RBFOX1: variants seen among roughly 807,000 people sequenced by gnomAD.
RBFOX1 encodes RNA binding fox-1 homolog 1, also known as RNA binding protein fox-1 homolog 1.
RBFOX1 carries 8 observed loss-of-function variants against 57.7 expected under a neutral mutation model. The ratio of observed to expected loss-of-function variants is 0.14; its 90% confidence interval spans 0.08 to 0.25. The LOEUF (loss-of-function observed/expected upper bound fraction) is 0.25. Among genes scored for constraint, RBFOX1 ranks in the 10% least tolerant of loss-of-function variants. The pLI is 1.00. For missense variants in RBFOX1, 611 were observed against 548.5 expected (o/e 1.11, Z -1.14); for synonymous variants, 326 against 222.4 (o/e 1.47, Z -4.15).
intron 3 of RBFOX1, among the ~76,000 whole-genome samples, chr16:6,715,208 A>G (rs533991264): frequency 6.6e-6 from 1 of 152,294 alleles, no homozygotes; most frequent in Admixed American, 6.5e-5. Context: ...AAACCTTATC[A>G]GTCACACACA....
chr16:6,607,728 T>C (rs183681604), intron 2 of RBFOX1, among the ~76,000 whole-genome samples: 26 of 152,266 alleles, frequency 1.7e-4, no homozygotes, highest in Non-Finnish European at 3.1e-4. Flanking sequence ...ATTTTAGAAT[T>C]TTGTGGTTTC....
intron 4 of RBFOX1, among the ~76,000 whole-genome samples, chr16:7,411,316 C>G (rs1412268520): frequency 1.3e-5 from 2 of 152,104 alleles, no homozygotes; most frequent in Non-Finnish European, 2.9e-5. Context: ...GCCATCAGGT[C>G]TCATCCTCCT....
intron 1 of RBFOX1, among the ~76,000 whole-genome samples, chr16:6,274,999 G>A (rs1004707481): frequency 6.6e-6 from 1 of 152,144 alleles, no homozygotes; most frequent in Non-Finnish European, 1.5e-5. Flanking sequence ...GAGATATGTC[G>A]CTCTTGTCCG....
intron 3 of RBFOX1, among the ~76,000 whole-genome samples, chr16:7,025,416 C>T (rs779611855): frequency 4.6e-5 from 7 of 152,144 alleles, no homozygotes; most frequent in East Asian, 1.9e-4. Context: ...GTATTTTGTG[C>T]TGACCTCCTA....
chr16:7,144,417 C>CTTCTTCTTTTT (rs3046798), intron 4 of RBFOX1, among the ~76,000 whole-genome samples: 47 of 66,918 alleles, frequency 7.0e-4, no homozygotes, highest in African/African-American at 2.7e-3. Flanking sequence ...TTTCTTTCTT[C>CTTCTTCTTTTT]TTTTTTTTTT....
rs187116505 is a variant in RBFOX1 at position 5,809,186 on chromosome 16, A to G, written c.319-58117A>G. On this transcript the variant is annotated intron_variant, in intron 3 of 19. Coordinates refer to the RBFOX1 transcript ENST00000641259. ...CAAAAATTAATTCAAGATGGATTCAAGACTTAAACATTAGACCTAAAACCA... is the reference window on the plus strand; with the variant it reads ...CAAAAATTAATTCAAGATGGATTCAGGACTTAAACATTAGACCTAAAACCA... 1.3e-4 allele frequency among the ~76,000 whole-genome samples: 20 copies of G among 152,348 alleles called. No homozygotes were observed. In the East Asian group the frequency reaches 3.9e-3, roughly 29 times the overall value.
chr16:5,438,328 T>C (rs924165685), intron 1 of RBFOX1, among the ~76,000 whole-genome samples: 1 of 152,222 alleles, frequency 6.6e-6, no homozygotes, highest in Non-Finnish European at 1.5e-5. Flanking sequence ...AGGGAGGATC[T>C]ATGGCTCAGA....
At chr16:7,078,991 G>C (rs1211885532) in intron 4 of RBFOX1, among the ~76,000 whole-genome samples, 1 of 144,422 alleles carries the variant, frequency 6.9e-6, no homozygotes, top group Non-Finnish European at 1.5e-5. Context: ...TTTCAAATGA[G>C]GTCATATTGT....
At chr16:5,351,422 A>C (rs1483417592) in intron 1 of RBFOX1, among the ~76,000 whole-genome samples, 1 of 152,138 alleles carries the variant, frequency 6.6e-6, no homozygotes, top group Non-Finnish European at 1.5e-5. Context: ...CTAGTGGGAG[A>C]GAAAGGCAGG....
chr16:6,304,533 G>C (rs557726246), intron 1 of RBFOX1, among the ~76,000 whole-genome samples: 2 of 152,182 alleles, frequency 1.3e-5, no homozygotes, highest in African/African-American at 4.8e-5. Flanking sequence ...GTATGCCTGA[G>C]GAGGGGAGAC....
intron 4 of RBFOX1, among the ~76,000 whole-genome samples, chr16:7,114,410 T>C (rs998812295): frequency 6.6e-6 from 1 of 152,204 alleles, no homozygotes; most frequent in African/African-American, 2.4e-5. Flanking sequence ...ATGCTCACTG[T>C]ACCCTTTAAT....
intron 1 of RBFOX1, among the ~76,000 whole-genome samples, chr16:5,257,763 T>C (rs1015909714): frequency 6.6e-5 from 10 of 152,088 alleles, no homozygotes; most frequent in Non-Finnish European, 1.5e-4. Context: ...CCCTGCCCAT[T>C]CCTTGTGTGT....
At chr16:5,650,636 C>A (rs143351173) in intron 3 of RBFOX1, among the ~76,000 whole-genome samples, 1 of 152,110 alleles carries the variant, frequency 6.6e-6, no homozygotes, top group South Asian at 2.1e-4. Context: ...TAGATAAACA[C>A]CAGAGGGGAG....
intron 5 of RBFOX1, among the ~76,000 whole-genome samples, chr16:7,557,659 AAG>A: frequency 1.3e-5 from 2 of 149,494 alleles, no homozygotes; most frequent in African/African-American, 4.9e-5. Context: ...GAAAAAAAAA[AAG>A]CATTTTCTTA....
At chr16:5,716,003 A>G (rs927932194) in intron 3 of RBFOX1, among the ~76,000 whole-genome samples, 1 of 152,204 alleles carries the variant, frequency 6.6e-6, no homozygotes, top group Non-Finnish European at 1.5e-5. Flanking sequence ...CTATTTCAAA[A>G]AAACTCATGA....
intron 3 of RBFOX1, among the ~76,000 whole-genome samples, chr16:5,759,228 C>A (rs768136437): frequency 2.0e-5 from 3 of 152,180 alleles, no homozygotes; most frequent in African/African-American, 4.8e-5. Flanking sequence ...TGCATCATAG[C>A]CTGAGGTCTG....
At chr16:7,071,963 T>G (rs967646330) in intron 4 of RBFOX1, among the ~76,000 whole-genome samples, 1 of 152,130 alleles carries the variant, frequency 6.6e-6, no homozygotes, top group Non-Finnish European at 1.5e-5. Context: ...GATTTGTGAT[T>G]CCTAATATCT....
At chr16:6,078,464 C>T (rs964319612) in intron 1 of RBFOX1, among the ~76,000 whole-genome samples, 2 of 151,898 alleles carry the variant, frequency 1.3e-5, no homozygotes, top group Non-Finnish European at 2.9e-5. Context: ...TTATGTATGA[C>T]CTGAGACACT....
chr16:6,153,446 T>G (rs746064308), intron 1 of RBFOX1, among the ~76,000 whole-genome samples: 1 of 152,238 alleles, frequency 6.6e-6, no homozygotes, highest in Non-Finnish European at 1.5e-5. Flanking sequence ...TACATTGTTT[T>G]GTATTTGTTC....
Sources: allele counts gnomAD v4.1 joint callset (sites outside exome capture counted in the v4.1 genomes callset), GRCh38; gene constraint gnomAD v4.1.1; transcripts MANE v1.5; gene names NCBI Gene and HGNC (gene_info 2026-07-23, HGNC 2026-07-21).